SOX5: variants seen among roughly 807,000 people sequenced by gnomAD.
SOX5 encodes the protein SRY-box transcription factor 5, also known as transcription factor SOX-5.
A neutral mutation model predicts 92.0 loss-of-function variants in SOX5; 9 were observed. The observed-to-expected ratio is 0.10, with a 90% confidence interval of 0.06 to 0.17. The LOEUF is 0.17. Ranked by LOEUF, SOX5 falls within the 10% of genes least tolerant of loss-of-function variation. The probability of loss-of-function intolerance (pLI) is 1.00; values close to 1 mark genes in which losing one functional copy is unlikely to be tolerated. For missense variants in SOX5, 642 were observed against 944.5 expected (o/e 0.68, Z 4.20); for synonymous variants, 344 against 336.3 (o/e 1.02, Z -0.25).
chr12:24,369,811 G>C (rs1202013816), intron 1 of SOX5, among the ~76,000 whole-genome samples: 1 of 152,178 alleles, frequency 6.6e-6, no homozygotes, highest in African/African-American at 2.4e-5. Flanking sequence ...ACTAACAATA[G>C]AGTTAGTTAA....
chr12:23,877,374 GC>G (rs1459867702), intron 2 of SOX5, among the ~76,000 whole-genome samples: 1 of 151,954 alleles, frequency 6.6e-6, no homozygotes, highest in Non-Finnish European at 1.5e-5. Flanking sequence ...AGTTACAGTT[GC>G]CATTTTTGGA....
At chr12:23,679,250 C>T (rs2086195396) in intron 6 of SOX5, among the ~76,000 whole-genome samples, 1 of 152,060 alleles carries the variant, frequency 6.6e-6, no homozygotes, top group South Asian at 2.1e-4. Flanking sequence ...TCCCTCCAAA[C>T]CTCAGTCTCT....
chr12:24,244,932 T>A (rs1273425539), intron 3 of SOX5, among the ~76,000 whole-genome samples: 1 of 152,042 alleles, frequency 6.6e-6, no homozygotes, highest in Non-Finnish European at 1.5e-5. Flanking sequence ...TTCAGGTGAT[T>A]CAACCGCCTC....
At chr12:24,168,486 TA>T (rs1953683290) in intron 4 of SOX5, among the ~76,000 whole-genome samples, 1 of 152,180 alleles carries the variant, frequency 6.6e-6, no homozygotes, top group East Asian at 1.9e-4. Context: ...ATAGAGATAC[TA>T]AAATAAGCTG....
intron 3 of SOX5, among the ~76,000 whole-genome samples, chr12:24,249,609 G>A (rs1026823863): frequency 5.3e-5 from 8 of 152,072 alleles, no homozygotes; most frequent in South Asian, 2.1e-4. Context: ...GTTGACAGCT[G>A]TCACCCAGGC....
At chr12:23,857,637 G>T (rs959667238) in intron 2 of SOX5, among the ~76,000 whole-genome samples, 7 of 152,134 alleles carry the variant, frequency 4.6e-5, no homozygotes, top group African/African-American at 1.7e-4. Flanking sequence ...AATGTGTAAG[G>T]CATATGGAAA....
At chr12:24,026,254 C>T (rs539149588) in intron 4 of SOX5, among the ~76,000 whole-genome samples, 1 of 142,484 alleles carries the variant, frequency 7.0e-6, no homozygotes, top group South Asian at 2.1e-4. Flanking sequence ...CAGAAGATGA[C>T]AAAATCTTAA....
At position 24,264,361 on chromosome 12, in the gene SOX5, TTA is replaced by T. The variant is rs761743570; in HGVS notation, c.-77+12853_-77+12854del. Among the ~76,000 whole-genome samples the T allele has an allele frequency of 1.1e-4, 17 of 152,300 alleles. No homozygotes were observed. The East Asian group carries it at 1.7e-3, about 16-fold the overall frequency. On this transcript the variant is annotated intron_variant, in intron 3 of 4. Transcript: ENST00000446891. Reference sequence around the variant, plus strand: ...AAAATTTTTTCTTGCTCTTGAAAAGTTATATTTTTCCTAAAATGTAAATATTT... The same window carrying T: ...AAAATTTTTTCTTGCTCTTGAAAAGTTATTTTTCCTAAAATGTAAATATTT...
chr12:24,021,009 C>G (rs1255418365), intron 4 of SOX5, among the ~76,000 whole-genome samples: 1 of 152,190 alleles, frequency 6.6e-6, no homozygotes, highest in Non-Finnish European at 1.5e-5. Context: ...AGACTTTGCT[C>G]CTTTTCCTGA....
intron 6 of SOX5, among the ~76,000 whole-genome samples, chr12:23,680,653 G>C (rs1405826709): frequency 1.3e-5 from 2 of 151,868 alleles, no homozygotes; most frequent in African/African-American, 4.8e-5. Context: ...TAAATGTAAT[G>C]GGTAAAATTT....
In SOX5 at chr12:23,584,546, C is replaced by T. The variant is rs201833190; in HGVS notation, c.1165-8708G>A. The T allele has an allele frequency of 5.6e-5, 90 of 1,599,160 alleles. No individual in the cohort carries two copies. The highest frequency in any genetic ancestry group is 7.5e-5 in the Non-Finnish European group (87 of 1,166,950). Reference sequence around the variant, plus strand: ...AAGAGTCATTCCCAGTGCTCACATACATGCATGCACAGCTCCTATGGCACA... The same window carrying T: ...AAGAGTCATTCCCAGTGCTCACATATATGCATGCACAGCTCCTATGGCACA... On this transcript the variant is annotated intron_variant, in intron 9 of 14. Coordinates refer to ENST00000451604, the MANE Select transcript of SOX5 (RefSeq NM_006940.6).
At chr12:23,671,778 G>T (rs567243476) in intron 6 of SOX5, among the ~76,000 whole-genome samples, 1 of 152,228 alleles carries the variant, frequency 6.6e-6, no homozygotes, top group East Asian at 1.9e-4. Flanking sequence ...TGCTAAAATT[G>T]CAATCCCTGC....
At chr12:24,014,011 C>G (rs78681285) in intron 4 of SOX5, among the ~76,000 whole-genome samples, 2,794 of 152,188 alleles carry the variant, frequency 0.018, 104 homozygotes, top group African/African-American at 0.064. Flanking sequence ...ATGGGTAATA[C>G]CATTTGAAGA....
rs181875336 is a variant in SOX5 at position 24,390,578 on chromosome 12, G to A, written c.-250-21939C>T. On this transcript the variant is annotated intron_variant, in intron 1 of 4. Transcript: ENST00000446891. Reference sequence around the variant, plus strand: ...TAAGTAATTTATCATTCCTTACCCCGCACCCTTCCAAGTTTCTAATGTCTA... The same window carrying A: ...TAAGTAATTTATCATTCCTTACCCCACACCCTTCCAAGTTTCTAATGTCTA... 1.2e-3 allele frequency among the ~76,000 whole-genome samples: 188 copies of A among 152,014 alleles called. 2 individuals are homozygous for A. The highest frequency in any genetic ancestry group is 6.8e-3 in the Middle Eastern group (2 of 294).
At chr12:23,798,028 T>A (rs1030002000) in intron 3 of SOX5, among the ~76,000 whole-genome samples, 2 of 152,050 alleles carry the variant, frequency 1.3e-5, no homozygotes, top group South Asian at 2.1e-4. Flanking sequence ...AGTCTTTTGT[T>A]CAAATGTCAT....
intron 8 of SOX5, among the ~76,000 whole-genome samples, chr12:23,626,350 A>G (rs1387162531): frequency 9.2e-5 from 14 of 152,094 alleles, no homozygotes; most frequent in Admixed American, 8.5e-4. Flanking sequence ...ATGTGTAATC[A>G]TGTTCTTAAT....
chr12:24,520,931 T>G (rs960163666), intron 1 of SOX5, among the ~76,000 whole-genome samples: 6 of 151,972 alleles, frequency 3.9e-5, no homozygotes, highest in African/African-American at 1.5e-4. Context: ...GACAAAAAGG[T>G]CAATTCAACA....
chr12:24,397,493 C>T (rs1960347377), intron 1 of SOX5, among the ~76,000 whole-genome samples: 1 of 152,120 alleles, frequency 6.6e-6, no homozygotes, highest in Admixed American at 6.5e-5. Context: ...CAACTCCTAA[C>T]ATAATAATAA....
chr12:24,461,846 T>C (rs140517161), intron 1 of SOX5, among the ~76,000 whole-genome samples: 1 of 152,346 alleles, frequency 6.6e-6, no homozygotes, highest in East Asian at 1.9e-4. Context: ...TTATCATCTC[T>C]ATAAAATTAT....
Sources: gnomAD v4.1 joint callset for allele counts (sites outside exome capture counted in the v4.1 genomes callset) on GRCh38, gnomAD v4.1.1 for gene constraint, MANE v1.5 for transcripts, NCBI Gene and HGNC (gene_info 2026-07-23, HGNC 2026-07-21) for gene names.